The following CUL4B variants were observed in gnomAD, a reference collection of about 807,000 sequenced individuals.
CUL4B encodes cullin 4B, also known as cullin-4B.
A neutral mutation model predicts 69.2 loss-of-function variants in CUL4B; 1 was observed. That is an observed-to-expected ratio of 0.01 (90% CI 0.01 to 0.07). The LOEUF (loss-of-function observed/expected upper bound fraction) is 0.07, where lower values mean the gene tolerates loss of function less well. Ranked by LOEUF, CUL4B falls within the 10% of genes least tolerant of loss-of-function variation. CUL4B has a pLI of 1.00. For missense variants in CUL4B, 328 were observed against 638.8 expected, an observed-to-expected ratio of 0.51 and a Z score of 5.24; for synonymous variants, 237 against 223.2, an observed-to-expected ratio of 1.06 and a Z score of -0.55.
At chrX:120,563,502 G>T (rs769687230), upstream of CUL4B, among the ~76,000 whole-genome samples, 5 of 112,067 alleles carry the variant, frequency 4.5e-5, no homozygotes, top group Admixed American at 3.8e-4. Context: ...CTCCCAAAGT[G>T]CTGGGCCTAC....
intron 16 of CUL4B, 135 bp from the exon 17 acceptor site, chrX:120,534,721 A>T (rs1182557070): frequency 2.0e-6 from 1 of 490,983 alleles, no homozygotes; most frequent in African/African-American, 2.4e-5. Flanking sequence ...AAGCCACTTG[A>T]CGTGGTAATA....
At chrX:120,573,406 T>G (rs901481875) in intron 2 of CUL4B, among the ~76,000 whole-genome samples, 1 of 112,055 alleles carries the variant, frequency 8.9e-6, no homozygotes, top group African/African-American at 3.2e-5. Flanking sequence ...ACTACAAACA[T>G]GCTCCAATGA....
Position 120,546,595 on chromosome X carries a change from A to G in CUL4B, c.798T>C (p.Leu266=), listed in dbSNP as rs1193610436. The G allele has an allele frequency of 8.3e-7, 1 of 1,198,979 alleles. No individual in the cohort carries two copies. The highest frequency in any genetic ancestry group is 1.1e-6 in the Non-Finnish European group (1 of 884,441). The stretch of plus-strand genomic sequence containing the variant: ...AGCATCTATCAATCTTCTTTAAAAA[A>G]AGAACGCTATCCAATGAATCCCTGA... ...QFREDSLDSV[L]FLKKIDRCWQ... is the part of the protein sequence containing the mutation. The change falls in exon 4 of 20, where the codon CTT becomes CTC. Residue 266 remains leucine, a synonymous_variant. Coordinates refer to ENST00000371322, the MANE Select transcript of CUL4B (RefSeq NM_001079872.2).
rs752853055 is a variant in CUL4B, at chrX:120,536,607, T to C, written c.2046+320A>G. Among the ~76,000 whole-genome samples, 3 of 112,265 alleles carry C rather than the reference T, an allele frequency of 2.7e-5. No homozygotes were observed. The East Asian group carries it at 8.3e-4, about 31-fold the overall frequency. ...TGACCCTGAACCCAGAAATTTGGCATTATTAGCTATGTGCTTAACTGGACT... is the reference window on the plus strand; with the variant it reads ...TGACCCTGAACCCAGAAATTTGGCACTATTAGCTATGTGCTTAACTGGACT... On this transcript the variant is annotated intron_variant, in intron 15 of 19. Coordinates refer to ENST00000371322, the MANE Select transcript of CUL4B (RefSeq NM_001079872.2).
chrX:120,531,859 T>C (rs1010641609), intron 18 of CUL4B, among the ~76,000 whole-genome samples: 3 of 111,353 alleles, frequency 2.7e-5, no homozygotes, highest in African/African-American at 9.8e-5. Context: ...CTGGGGGACA[T>C]AGTAAGACAG....
Position 120,544,208 on chromosome X carries a change from AG to A in CUL4B, c.1084-6del. The A allele has an allele frequency of 8.8e-7, 1 of 1,142,473 alleles. No individual in the cohort carries two copies. The highest frequency in any genetic ancestry group is 1.2e-6 in the Non-Finnish European group (1 of 833,009). The allele number at this position is 1,142,473 out of a possible 1,213,427, so 94.2% of individuals were successfully genotyped here. On this transcript the variant is annotated splice_region_variant and splice_polypyrimidine_tract_variant and intron_variant, in intron 6 of 19. Coordinates refer to ENST00000371322, the MANE Select transcript of CUL4B (RefSeq NM_001079872.2). ...TTCAAAAGAATCTTGATAAATCTGG[AG>A]GGGGAACAAAATGAAGGAGATCATT... is the stretch of plus-strand genomic sequence containing the variant.
intron 2 of CUL4B, chrX:120,574,528 G>A: frequency 8.5e-7 from 1 of 1,169,655 alleles, no homozygotes; most frequent in African/African-American, 1.8e-5. Context: ...TAACTCTTGA[G>A]TTTTACTAGT....
At chrX:120,544,432 A>T (rs774775981) in intron 6 of CUL4B, 49 bp downstream of exon 6, 8 of 1,186,392 alleles carry the variant, frequency 6.7e-6, no homozygotes, top group Non-Finnish European at 9.2e-6. Flanking sequence ...GGGGAAAAAA[A>T]ACTAGGATAG....
chrX:120,537,992 C>T, intron 14 of CUL4B, 132 bp downstream of exon 14: 2 of 466,576 alleles, frequency 4.3e-6, no homozygotes, highest in Admixed American at 3.9e-5. Context: ...TTTTTTTCTA[C>T]TGTGAATATC....
At chrX:120,555,802 C>T (rs959095463) in intron 2 of CUL4B, among the ~76,000 whole-genome samples, 14 of 108,669 alleles carry the variant, frequency 1.3e-4, no homozygotes, top group East Asian at 8.6e-4. Flanking sequence ...ACTAGCAGGG[C>T]GTGGTGGCAG....
At chrX:120,567,584 A>G (rs1602595263), downstream of CUL4B, among the ~76,000 whole-genome samples, 1 of 109,086 alleles carries the variant, frequency 9.2e-6, no homozygotes, top group East Asian at 2.9e-4. Flanking sequence ...ATTTTTAAGA[A>G]GCTCTTGGCC....
chrX:120,572,987 A>C (rs1925758927), intron 2 of CUL4B, among the ~76,000 whole-genome samples: 1 of 111,883 alleles, frequency 8.9e-6, no homozygotes, highest in African/African-American at 3.2e-5. Flanking sequence ...TGCAAATGAT[A>C]TATAAACATT....
Position 120,524,774 on chromosome X carries a change from T to C in CUL4B, c.*1987A>G, listed in dbSNP as rs1246588919. 1 of 111,892 alleles carries C rather than the reference T, an allele frequency of 8.9e-6. No homozygotes were observed. The highest frequency in any genetic ancestry group is 3.3e-5 in the African/African-American group (1 of 30,728). The allele number at this position is 111,892 out of a possible 1,213,427, so 9.2% of individuals were successfully genotyped here. ...TCTTAAACAGCTCCCCTCAACTTTT[T>C]TTTTTTAACAGTCTTGCTAATTTTT... On this transcript the variant is annotated 3_prime_UTR_variant, in exon 20 of 20. Transcript: ENST00000371322.
chrX:120,540,273 G>A (rs1475603626), intron 11 of CUL4B, 97 bp downstream of exon 11: 1 of 809,476 alleles, frequency 1.2e-6, no homozygotes, highest in Non-Finnish European at 1.8e-6. Flanking sequence ...AACAAATCAG[G>A]AATTAGTAAT....
intron 2 of CUL4B, among the ~76,000 whole-genome samples, chrX:120,547,868 C>G (rs907350519): frequency 9.0e-6 from 1 of 110,741 alleles, no homozygotes; most frequent in Non-Finnish European, 1.9e-5. Flanking sequence ...TCCCAGCCTA[C>G]ATCTTTCTCC....
At chrX:120,549,666 T>C (rs1388624546) in intron 2 of CUL4B, among the ~76,000 whole-genome samples, 1 of 111,777 alleles carries the variant, frequency 8.9e-6, no homozygotes, top group Non-Finnish European at 1.9e-5. Context: ...TGAGCAGCTA[T>C]GGAGGAATAA....
intron 3 of CUL4B, 93 bp downstream of exon 3, chrX:120,547,043 C>T: frequency 1.7e-6 from 1 of 574,617 alleles, no homozygotes. Context: ...CTACAAAATA[C>T]AGGCATTCTA....
chrX:120,574,645 A>G, intron 1 of CUL4B: 1 of 1,134,413 alleles, frequency 8.8e-7, no homozygotes, highest in Non-Finnish European at 1.2e-6. Context: ...GATAGAAAAC[A>G]GAGAATTCAC....
intron 3 of CUL4B, 79 bp downstream of exon 3, chrX:120,547,057 C>T: frequency 3.1e-6 from 2 of 653,571 alleles, no homozygotes; most frequent in Admixed American, 2.4e-5. Context: ...CATTCTACTT[C>T]AAGCTGGGTT....
Sources: allele counts gnomAD v4.1 joint callset (sites outside exome capture counted in the v4.1 genomes callset), GRCh38; gene constraint gnomAD v4.1.1; transcripts MANE v1.5; gene names NCBI Gene and HGNC (gene_info 2026-07-23, HGNC 2026-07-21).